Variants in CAB39 observed in about 807,000 individuals in gnomAD.
CAB39 encodes calcium binding protein 39.
A neutral mutation model predicts 40.0 loss-of-function variants in CAB39; 8 were observed. The ratio of observed to expected loss-of-function variants is 0.20; its 90% CI spans 0.12 to 0.36. CAB39 has a LOEUF of 0.36. Ranked by LOEUF, CAB39 falls within the 10% of genes least tolerant of loss-of-function variation. CAB39 has a pLI of 1.00. For synonymous variants in CAB39, 156 were observed against 141.6 expected (o/e 1.10, Z -0.72); for missense variants, 270 against 401.1 (o/e 0.67, Z 2.79).
At chr2:230,733,781 C>G (rs1450263939) in intron 1 of CAB39, among the ~76,000 whole-genome samples, 1 of 152,096 alleles carries the variant, frequency 6.6e-6, no homozygotes, top group Admixed American at 6.5e-5. Flanking sequence ...AGTTTTAGAG[C>G]AAATGTTTCC....
chr2:230,759,475 G>T (rs1056690811), intron 1 of CAB39, among the ~76,000 whole-genome samples: 1 of 152,192 alleles, frequency 6.6e-6, no homozygotes, highest in Admixed American at 6.5e-5. Context: ...GATTAAGGAC[G>T]CTTTGGATCA....
chr2:230,767,904 T>A (rs1222406527), intron 2 of CAB39, among the ~76,000 whole-genome samples: 2 of 152,204 alleles, frequency 1.3e-5, no homozygotes, highest in Non-Finnish European at 2.9e-5. Context: ...ATTTTTCAAG[T>A]CTTTGCTCAA....
chr2:230,762,398 C>T (rs923987057), intron 2 of CAB39, among the ~76,000 whole-genome samples: 1 of 152,216 alleles, frequency 6.6e-6, no homozygotes, highest in Non-Finnish European at 1.5e-5. Context: ...CTTGACCTCC[C>T]TCTCACAGTT....
chr2:230,789,949 T>G (rs1695865109), intron 2 of CAB39, among the ~76,000 whole-genome samples: 3 of 152,156 alleles, frequency 2.0e-5, no homozygotes, highest in South Asian at 4.1e-4. Flanking sequence ...AAAGTCATTG[T>G]TTTGGCCAGG....
chr2:230,800,658 C>T (rs1696074297), intron 5 of CAB39, among the ~76,000 whole-genome samples: 1 of 152,034 alleles, frequency 6.6e-6, no homozygotes, highest in South Asian at 2.1e-4. Context: ...CTGAGGGTGG[C>T]AGTACTCTGG....
chr2:230,810,246 T>A lies in CAB39; in HGVS notation c.568-17T>A. 1 of 1,321,748 alleles carries A rather than the reference T, an allele frequency of 7.6e-7. No individual in the cohort carries two copies. Among genetic ancestry groups the A allele is most frequent in the Non-Finnish European group, 1.1e-6 (1 of 948,538 alleles). 81.9% of individuals were successfully genotyped at this position (1,321,748 alleles called of 1,614,324 possible). ...ACTTGGAGAACAACTGTAAACAATT[T>A]TTTTTTCTTTTTGTAGGATTTACTT... On this transcript the variant is annotated splice_polypyrimidine_tract_variant and intron_variant, in intron 5 of 8. Transcript: ENST00000258418.
At chr2:230,744,046 A>G (rs1404593431) in intron 1 of CAB39, among the ~76,000 whole-genome samples, 1 of 148,036 alleles carries the variant, frequency 6.8e-6, no homozygotes, top group Non-Finnish European at 1.5e-5. Flanking sequence ...CAGCCTCCCT[A>G]GTTGCTGGGA....
In CAB39 at chr2:230,819,317, C is replaced by G. The variant is rs1186664302; in HGVS notation, c.*613C>G. The G allele has an allele frequency of 1.3e-5, 2 of 152,720 alleles. No individual in the cohort carries two copies. The highest frequency in any genetic ancestry group is 4.8e-5 in the African/African-American group (2 of 41,560). 9.5% of individuals were successfully genotyped at this position (152,720 alleles called of 1,614,324 possible). Reference sequence around the variant, plus strand: ...GAAAATGTATATATGCTTTTCACAGCTTTCTAGAATTTTTTGACATTTGAT... The same window carrying G: ...GAAAATGTATATATGCTTTTCACAGGTTTCTAGAATTTTTTGACATTTGAT... On this transcript the variant is annotated 3_prime_UTR_variant, in exon 9 of 9. Transcript: ENST00000258418.
intron 2 of CAB39, among the ~76,000 whole-genome samples, chr2:230,782,070 TG>T (rs1695696143): frequency 6.6e-6 from 1 of 152,230 alleles, no homozygotes; most frequent in African/African-American, 2.4e-5. Flanking sequence ...TTCACCAAGT[TG>T]GCCAGGTTGG....
In CAB39 at chr2:230,785,403, C is replaced by T. The variant is rs569678644; in HGVS notation, c.115-5469C>T. ...GGCAGGGGGGCAGGGGGGCAGGGGG[C>T]GGTTGTGGAATCTAAGGAGGGCCTA... On this transcript the variant is annotated intron_variant, in intron 2 of 8. Transcript: ENST00000258418. Among the ~76,000 whole-genome samples, 15 of 150,872 alleles carry T rather than the reference C, an allele frequency of 9.9e-5. No homozygotes were observed. The East Asian group carries it at 2.0e-3, about 20-fold the overall frequency.
At chr2:230,764,916 G>GT (rs1695358129) in intron 2 of CAB39, among the ~76,000 whole-genome samples, 1 of 152,160 alleles carries the variant, frequency 6.6e-6, no homozygotes, top group Non-Finnish European at 1.5e-5. Context: ...TAAAAATATT[G>GT]TATGTATATT....
chr2:230,788,245 G>GT (rs1695828999), intron 2 of CAB39, among the ~76,000 whole-genome samples: 4 of 141,526 alleles, frequency 2.8e-5, no homozygotes, highest in South Asian at 4.4e-4. Context: ...TTTGTTTTTC[G>GT]GTTTTTTTTT....
chr2:230,739,555 C>T (rs1235261909), intron 1 of CAB39, among the ~76,000 whole-genome samples: 7 of 152,270 alleles, frequency 4.6e-5, no homozygotes, highest in East Asian at 1.9e-4. Flanking sequence ...AGTGGAATGG[C>T]GCGATCTCTG....
intron 1 of CAB39, among the ~76,000 whole-genome samples, chr2:230,756,736 A>G (rs1368643640): frequency 6.6e-6 from 1 of 151,970 alleles, no homozygotes; most frequent in Non-Finnish European, 1.5e-5. Flanking sequence ...TCTGTCGCCC[A>G]GGCTGGAGTG....
chr2:230,813,978 C>CTTTTTTGT (rs1696351145), intron 6 of CAB39, 71 bp from the exon 7 acceptor site: 1 of 110,458 alleles, frequency 9.1e-6, no homozygotes. Flanking sequence ...ACCTACCAGT[C>CTTTTTTGT]TTTTTTTTTT....
At chr2:230,726,212 G>C (rs1377417525) in intron 1 of CAB39, among the ~76,000 whole-genome samples, 3 of 151,930 alleles carry the variant, frequency 2.0e-5, no homozygotes, top group Non-Finnish European at 2.9e-5. Context: ...ACCTAGGCTG[G>C]AGTGCAGTGG....
intron 1 of CAB39, among the ~76,000 whole-genome samples, chr2:230,715,704 G>C (rs1392335421): frequency 1.3e-5 from 2 of 152,114 alleles, no homozygotes; most frequent in African/African-American, 4.8e-5. Flanking sequence ...TGCCTTTTTG[G>C]TTTTGTTTTG....
intron 2 of CAB39, among the ~76,000 whole-genome samples, chr2:230,790,422 C>CTTTT (rs1695873862): frequency 6.6e-6 from 1 of 152,172 alleles, no homozygotes; most frequent in Non-Finnish European, 1.5e-5. Flanking sequence ...CTTATTTCCT[C>CTTTT]CACACCTTTT....
intron 5 of CAB39, among the ~76,000 whole-genome samples, chr2:230,803,748 G>A (rs142353841): frequency 0.022 from 3,416 of 152,190 alleles, 126 homozygotes; most frequent in African/African-American, 0.077. Context: ...CAACGAAATA[G>A]AAGAGGACAC....
Sources: gnomAD v4.1 joint callset for allele counts (sites outside exome capture counted in the v4.1 genomes callset) on GRCh38, gnomAD v4.1.1 for gene constraint, MANE v1.5 for transcripts, NCBI Gene and HGNC (gene_info 2026-07-23, HGNC 2026-07-21) for gene names.